DTNA: variants seen among roughly 807,000 people sequenced by gnomAD.
DTNA encodes dystrobrevin alpha, also known as dystrophin-related protein 3.
In DTNA, 43 loss-of-function variants were observed where a neutral mutation model predicts 100.7. That is an observed-to-expected ratio of 0.43 (90% CI 0.33 to 0.55). The LOEUF is 0.55. Among genes scored for constraint, DTNA ranks in the 20% least tolerant of loss-of-function variants. DTNA has a pLI of 0.04. For synonymous variants in DTNA, 349 were observed against 347.9 expected (o/e 1.00, Z -0.04); for missense variants, 798 against 953.9 (o/e 0.84, Z 2.15).
chr18:34,707,786 C>T (rs2082303218), upstream of DTNA, among the ~76,000 whole-genome samples: 1 of 152,170 alleles, frequency 6.6e-6, no homozygotes, highest in South Asian at 2.1e-4. Context: ...TCTCCTTCAT[C>T]AACTGTTTTG....
chr18:34,627,125 A>G (rs142167338), intron 1 of DTNA, among the ~76,000 whole-genome samples: 14 of 152,058 alleles, frequency 9.2e-5, no homozygotes, highest in African/African-American at 1.7e-4. Flanking sequence ...GCAAAAGTCT[A>G]TATCTACGGA....
At chr18:34,604,458 A>C (rs2052587848) in intron 1 of DTNA, among the ~76,000 whole-genome samples, 1 of 152,190 alleles carries the variant, frequency 6.6e-6, no homozygotes, top group Admixed American at 6.5e-5. Flanking sequence ...TAATGATGTC[A>C]GCAACTCCTC....
intron 1 of DTNA, among the ~76,000 whole-genome samples, chr18:34,712,932 T>A (rs2083202011): frequency 6.6e-6 from 1 of 152,138 alleles, no homozygotes. Context: ...GATATTTAAA[T>A]TCCAAGAAAA....
chr18:34,527,608 A>G (rs2145403385), intron 1 of DTNA, among the ~76,000 whole-genome samples: 1 of 152,224 alleles, frequency 6.6e-6, no homozygotes, highest in Non-Finnish European at 1.5e-5. Flanking sequence ...TACTTGTTTA[A>G]TGTTTTCAGT....
chr18:34,505,845 G>T (rs964539999), intron 1 of DTNA, among the ~76,000 whole-genome samples: 2 of 152,076 alleles, frequency 1.3e-5, no homozygotes, highest in African/African-American at 4.8e-5. Context: ...TCTGTTGATT[G>T]TCGTCTTTCA....
chr18:34,865,986 C>A, intron 17 of DTNA: 1 of 1,029,540 alleles, frequency 9.7e-7, no homozygotes, highest in Non-Finnish European at 1.5e-6. Flanking sequence ...ACTGAGGTGG[C>A]AGAGGCCTGG....
chr18:34,518,415 T>C (rs2041856965), intron 1 of DTNA, among the ~76,000 whole-genome samples: 1 of 152,134 alleles, frequency 6.6e-6, no homozygotes, highest in Admixed American at 6.6e-5. Context: ...GCAAATAGTT[T>C]TGATTTTGAT....
chr18:34,620,800 C>T (rs1237293538), intron 1 of DTNA, among the ~76,000 whole-genome samples: 2 of 152,132 alleles, frequency 1.3e-5, no homozygotes, highest in Non-Finnish European at 2.9e-5. Flanking sequence ...CACCTCCCAC[C>T]AGGCCTCACC....
chr18:34,773,877 A>C (rs1220595753), intron 3 of DTNA, among the ~76,000 whole-genome samples: 1 of 152,198 alleles, frequency 6.6e-6, no homozygotes, highest in African/African-American at 2.4e-5. Context: ...AATGGTTTTT[A>C]AGATCTTAAA....
At chr18:34,596,822 G>T (rs2050705578) in intron 1 of DTNA, among the ~76,000 whole-genome samples, 1 of 152,050 alleles carries the variant, frequency 6.6e-6, no homozygotes, top group South Asian at 2.1e-4. Flanking sequence ...CATGTTTTCT[G>T]ACTTTATTTG....
chr18:34,517,768 CT>C (rs2076541582), intron 1 of DTNA, among the ~76,000 whole-genome samples: 2 of 152,088 alleles, frequency 1.3e-5, no homozygotes, highest in East Asian at 1.9e-4. Context: ...ACCTTACCCC[CT>C]GTGTCCATAG....
intron 9 of DTNA, among the ~76,000 whole-genome samples, chr18:34,824,667 T>C (rs959328472): frequency 1.3e-5 from 2 of 152,058 alleles, no homozygotes; most frequent in African/African-American, 4.8e-5. Flanking sequence ...AAATAATAAG[T>C]GGAAAATGCT....
intron 1 of DTNA, among the ~76,000 whole-genome samples, chr18:34,576,759 G>A (rs973628962): frequency 2.0e-5 from 3 of 152,094 alleles, no homozygotes; most frequent in South Asian, 2.1e-4. Context: ...ATGCCCAGCC[G>A]TAAATTGGTG....
intron 18 of DTNA, among the ~76,000 whole-genome samples, chr18:34,877,154 T>G: frequency 6.6e-6 from 1 of 152,192 alleles, no homozygotes; most frequent in Non-Finnish European, 1.5e-5. Flanking sequence ...TCTCACGCTC[T>G]GGGGGCATTC....
chr18:34,576,698 A>G (rs1214302204), intron 1 of DTNA, among the ~76,000 whole-genome samples: 3 of 152,132 alleles, frequency 2.0e-5, no homozygotes, highest in Non-Finnish European at 2.9e-5. Flanking sequence ...ACCTCAGGTG[A>G]TCTGCCTGCC....
intron 1 of DTNA, among the ~76,000 whole-genome samples, chr18:34,499,021 G>A (rs1453169521): frequency 6.6e-6 from 1 of 152,154 alleles, no homozygotes; most frequent in Admixed American, 6.6e-5. Flanking sequence ...CTTGCAAAAT[G>A]ATAGTACAAT....
chr18:34,817,991 A>G, intron 7 of DTNA, 173 bp from the exon 8 acceptor site: 1 of 1,507,090 alleles, frequency 6.6e-7, no homozygotes, highest in East Asian at 2.5e-5. Context: ...GGCATGATTG[A>G]AAAGGGTTGT....
chr18:34,753,853 C>G (rs1236514621), intron 1 of DTNA, among the ~76,000 whole-genome samples: 1 of 152,102 alleles, frequency 6.6e-6, no homozygotes, highest in Non-Finnish European at 1.5e-5. Context: ...ATTATCTACC[C>G]ACTTCTTCTG....
chr18:34,599,497 G>C (rs1290099634), intron 1 of DTNA, among the ~76,000 whole-genome samples: 2 of 152,006 alleles, frequency 1.3e-5, no homozygotes, highest in African/African-American at 4.8e-5. Context: ...CCGGACACTG[G>C]TACTGAAGGA....
Sources: allele counts gnomAD v4.1 joint callset (sites outside exome capture counted in the v4.1 genomes callset), GRCh38; gene constraint gnomAD v4.1.1; transcripts MANE v1.5; gene names NCBI Gene and HGNC (gene_info 2026-07-23, HGNC 2026-07-21).